MSRB3: variants seen among roughly 807,000 people sequenced by gnomAD.
MSRB3 encodes the protein methionine-R-sulfoxide reductase B3.
A neutral mutation model predicts 21.0 loss-of-function variants in MSRB3; 13 were observed. The observed-to-expected ratio is 0.62, with a 90% confidence interval of 0.40 to 0.98. The LOEUF is 0.98. Ranked by LOEUF, MSRB3 falls within the 50% of genes least tolerant of loss-of-function variation. The probability of loss-of-function intolerance (pLI) is 0.00; values close to 1 mark genes in which losing one functional copy is unlikely to be tolerated. For missense variants in MSRB3, 199 were observed against 230.3 expected (o/e 0.86, Z 0.88); for synonymous variants, 87 against 88.6 (o/e 0.98, Z 0.10).
At chr12:65,363,784 AAGACCAG>A (rs1877845606) in intron 4 of MSRB3, among the ~76,000 whole-genome samples, 1 of 152,054 alleles carries the variant, frequency 6.6e-6, no homozygotes, top group African/African-American at 2.4e-5. Context: ...TCAGGAGTTC[AAGACCAG>A]CCTGGCCAAC....
At position 65,369,037 on chromosome 12, in the gene MSRB3, A is replaced by G. The variant is rs200096451; in HGVS notation, c.292+11A>G. ...TTGACTCCGGTTCAGGTATGTTTACATTAATAATGCTCTTCTGAATATATT... is the reference window on the plus strand; with the variant it reads ...TTGACTCCGGTTCAGGTATGTTTACGTTAATAATGCTCTTCTGAATATATT... On this transcript the variant is annotated intron_variant, in intron 5 of 6. Coordinates refer to ENST00000308259, the MANE Select transcript of MSRB3 (RefSeq NM_001031679.3). 3.1e-4 allele frequency: 480 copies of G among 1,553,942 alleles called. 2 individuals are homozygous for G. In the African/African-American group the frequency reaches 5.8e-3, roughly 19 times the overall value.
At chr12:65,437,101 C>T (rs1389604344) in intron 5 of MSRB3, among the ~76,000 whole-genome samples, 6 of 151,750 alleles carry the variant, frequency 4.0e-5, no homozygotes, top group African/African-American at 1.5e-4. Flanking sequence ...TTTTTCTGAA[C>T]CTCTTGAGCT....
At chr12:65,423,420 G>A (rs955600481) in intron 5 of MSRB3, among the ~76,000 whole-genome samples, 1 of 152,104 alleles carries the variant, frequency 6.6e-6, no homozygotes, top group Non-Finnish European at 1.5e-5. Flanking sequence ...AGGCACCCTT[G>A]TCTTGTTTCA....
intron 1 of MSRB3, chr12:65,306,857 C>A (rs1412798448): frequency 7.1e-6 from 7 of 985,856 alleles, no homozygotes; most frequent in Non-Finnish European, 8.4e-6. Context: ...TTTCCCTGAC[C>A]TGCAGAGTGA....
At chr12:65,425,381 T>G (rs1881548517) in intron 5 of MSRB3, among the ~76,000 whole-genome samples, 1 of 152,122 alleles carries the variant, frequency 6.6e-6, no homozygotes, top group Admixed American at 6.5e-5. Context: ...TTTGGCCTCA[T>G]TAGTGGCATT....
At chr12:65,367,052 G>C (rs1878052729) in intron 4 of MSRB3, among the ~76,000 whole-genome samples, 1 of 152,200 alleles carries the variant, frequency 6.6e-6, no homozygotes, top group African/African-American at 2.4e-5. Context: ...GTAAAGTATG[G>C]ACAGTGACAC....
At chr12:65,321,801 C>T in intron 2 of MSRB3, among the ~76,000 whole-genome samples, 1 of 152,100 alleles carries the variant, frequency 6.6e-6, no homozygotes, top group African/African-American at 2.4e-5. Context: ...CAGTGACAAA[C>T]TAATAACCAA....
At chr12:65,456,532 C>G (rs1281864933) in intron 6 of MSRB3, among the ~76,000 whole-genome samples, 4 of 152,176 alleles carry the variant, frequency 2.6e-5, no homozygotes, top group African/African-American at 4.8e-5. Flanking sequence ...AGAAGTCAGG[C>G]TAAACCAAGC....
intron 5 of MSRB3, among the ~76,000 whole-genome samples, chr12:65,442,624 A>G (rs1279265639): frequency 6.6e-6 from 1 of 152,074 alleles, no homozygotes; most frequent in Non-Finnish European, 1.5e-5. Context: ...GCAAACTTCA[A>G]ACTCCTTGTG....
chr12:65,304,214 T>C (rs1307001079), intron 1 of MSRB3, among the ~76,000 whole-genome samples: 1 of 152,144 alleles, frequency 6.6e-6, no homozygotes, highest in Non-Finnish European at 1.5e-5. Context: ...AGCATTTCCA[T>C]GACTATTTGA....
chr12:65,427,154 G>T (rs567931503), intron 5 of MSRB3, among the ~76,000 whole-genome samples: 1 of 152,124 alleles, frequency 6.6e-6, no homozygotes, highest in African/African-American at 2.4e-5. Flanking sequence ...TGGTGGAACA[G>T]TCACCTCTTC....
intron 4 of MSRB3, among the ~76,000 whole-genome samples, chr12:65,336,342 C>T (rs1875762094): frequency 6.6e-6 from 1 of 152,110 alleles, no homozygotes; most frequent in South Asian, 2.1e-4. Context: ...TAACAATATA[C>T]AAAGATAATT....
chr12:65,328,047 C>T (rs1875167052), intron 3 of MSRB3, among the ~76,000 whole-genome samples: 1 of 152,326 alleles, frequency 6.6e-6, no homozygotes, highest in South Asian at 2.1e-4. Context: ...TTTGTATTAG[C>T]TGAATGACCT....
intron 4 of MSRB3, among the ~76,000 whole-genome samples, chr12:65,349,618 G>A (rs1045339806): frequency 2.7e-5 from 4 of 145,842 alleles, no homozygotes; most frequent in Admixed American, 2.6e-4. Flanking sequence ...GTGTGAGATG[G>A]TATCTCATTG....
At chr12:65,387,072 A>G (rs1879229753) in intron 5 of MSRB3, among the ~76,000 whole-genome samples, 1 of 152,104 alleles carries the variant, frequency 6.6e-6, no homozygotes, top group African/African-American at 2.4e-5. Context: ...TGACAGGATT[A>G]CAGTACAACA....
intron 1 of MSRB3, among the ~76,000 whole-genome samples, chr12:65,299,418 C>T (rs368627891): frequency 1.3e-5 from 2 of 152,296 alleles, no homozygotes; most frequent in African/African-American, 4.8e-5. Context: ...CATCAAGTGC[C>T]TTACTTCTCA....
chr12:65,347,188 T>G (rs1055774332), intron 4 of MSRB3, among the ~76,000 whole-genome samples: 1 of 152,214 alleles, frequency 6.6e-6, no homozygotes, highest in Non-Finnish European at 1.5e-5. Flanking sequence ...TATGGGCATT[T>G]TCACGATATT....
chr12:65,463,053 T>C (rs1857596002), intron 6 of MSRB3, 102 bp from the exon 7 acceptor site: 1 of 1,402,004 alleles, frequency 7.1e-7, no homozygotes, highest in Non-Finnish European at 1.0e-6. Context: ...GTTTCCTTCA[T>C]TTCTCTACAG....
intron 5 of MSRB3, among the ~76,000 whole-genome samples, chr12:65,408,483 G>A (rs1880539649): frequency 6.6e-6 from 1 of 152,162 alleles, no homozygotes; most frequent in Admixed American, 6.5e-5. Flanking sequence ...TATCTGACTA[G>A]GAGGTAGACT....
Sources: gnomAD v4.1 joint callset for allele counts (sites outside exome capture counted in the v4.1 genomes callset) on GRCh38, gnomAD v4.1.1 for gene constraint, MANE v1.5 for transcripts, NCBI Gene and HGNC (gene_info 2026-07-23, HGNC 2026-07-21) for gene names.